NRXN1: variants seen among roughly 807,000 people sequenced by gnomAD.
NRXN1 encodes the protein neurexin-1.
NRXN1 carries 39 observed loss-of-function variants against 150.9 expected under a neutral mutation model. The observed-to-expected ratio is 0.26, with a 90% CI of 0.20 to 0.34. The LOEUF (loss-of-function observed/expected upper bound fraction) is 0.34. NRXN1 is among the 10% of genes least tolerant of loss of function. NRXN1 has a pLI of 1.00. For missense variants in NRXN1, 1,815 were observed against 1,949.9 expected (o/e 0.93, Z 1.30); for synonymous variants, 924 against 757.0 (o/e 1.22, Z -3.62).
intron 17 of NRXN1, among the ~76,000 whole-genome samples, chr2:50,420,414 C>T (rs1558699957): frequency 1.3e-5 from 2 of 150,718 alleles, no homozygotes; most frequent in Non-Finnish European, 3.0e-5. Context: ...CACACACACA[C>T]ATACACACAC....
At chr2:50,476,566 A>G (rs530717106) in intron 15 of NRXN1, among the ~76,000 whole-genome samples, 334 of 150,790 alleles carry the variant, frequency 2.2e-3, no homozygotes, top group African/African-American at 7.8e-3. Context: ...GGCTGTCAGT[A>G]TATCTGTAAG....
chr2:50,387,427 T>G (rs2081399040), intron 17 of NRXN1, among the ~76,000 whole-genome samples: 1 of 152,186 alleles, frequency 6.6e-6, no homozygotes. Flanking sequence ...CTGTTCTCAG[T>G]GCCCTCAGGC....
intron 5 of NRXN1, among the ~76,000 whole-genome samples, chr2:50,855,713 T>C (rs997547861): frequency 6.6e-6 from 1 of 151,992 alleles, no homozygotes; most frequent in African/African-American, 2.4e-5. Context: ...ATATCCAAAA[T>C]AATTTTCCTT....
chr2:50,038,381 C>T (rs1356032281), intron 21 of NRXN1, among the ~76,000 whole-genome samples: 1 of 152,166 alleles, frequency 6.6e-6, no homozygotes, highest in Non-Finnish European at 1.5e-5. Flanking sequence ...CTCTCTCTCT[C>T]ATCTGTCCTG....
rs543687083 is a variant in NRXN1 at position 50,327,233 on chromosome 2, A to G, written c.3365-90263T>C. Among the ~76,000 whole-genome samples, 224 of 152,330 alleles carry G rather than the reference A, an allele frequency of 1.5e-3. 3 individuals are homozygous for G. The highest frequency in any genetic ancestry group is 8.1e-3 in the South Asian group (39 of 4,826). On this transcript the variant is annotated intron_variant, in intron 17 of 22. Coordinates refer to ENST00000401669, the MANE Select transcript of NRXN1 (RefSeq NM_001330078.2). ...ATAAAAAATAACCAACCAATGATAC[A>G]TACAACATGGATAAATTTCAAAAAT...
chr2:50,927,451 T>G (rs13420904), intron 2 of NRXN1, among the ~76,000 whole-genome samples: 1 of 152,010 alleles, frequency 6.6e-6, no homozygotes, highest in African/African-American at 2.4e-5. Flanking sequence ...ATATTTGGTC[T>G]GTGATATTGA....
chr2:50,169,519 T>C (rs527262070), intron 18 of NRXN1, among the ~76,000 whole-genome samples: 2 of 151,894 alleles, frequency 1.3e-5, no homozygotes, highest in African/African-American at 2.4e-5. Flanking sequence ...TCGAGACCAG[T>C]CTGGCCAACA....
intron 18 of NRXN1, 145 bp downstream of exon 18, chr2:50,236,644 T>C (rs1407682137): frequency 1.3e-5 from 10 of 755,898 alleles, no homozygotes; most frequent in Non-Finnish European, 2.0e-5. Context: ...TATATGGTCT[T>C]ATTTCCTCTA....
intron 5 of NRXN1, among the ~76,000 whole-genome samples, chr2:50,663,758 A>G (rs1033521652): frequency 1.3e-5 from 2 of 152,040 alleles, no homozygotes; most frequent in Non-Finnish European, 2.9e-5. Context: ...AGAATTCACA[A>G]TCTATGTGTG....
Position 50,285,245 on chromosome 2 carries a change from T to C in NRXN1, c.3365-48275A>G, listed in dbSNP as rs141016690. On this transcript the variant is annotated intron_variant, in intron 17 of 22. Transcript: ENST00000401669. ...ATTTGAAAGATTATTGCAAGCTTTA[T>C]GAATTTTTTATTTTACAATAATTTG... Among the ~76,000 whole-genome samples the C allele has an allele frequency of 3.9e-3, 594 of 152,326 alleles. 9 individuals carry two copies. Among genetic ancestry groups the C allele is most frequent in the African/African-American group, 0.013 (552 of 41,566 alleles).
chr2:50,316,013 G>T (rs2075576764), intron 17 of NRXN1, among the ~76,000 whole-genome samples: 1 of 152,100 alleles, frequency 6.6e-6, no homozygotes, highest in Non-Finnish European at 1.5e-5. Flanking sequence ...GGCATGAGAT[G>T]AAGGAGTTGG....
At chr2:50,613,061 A>G (rs1017267248) in intron 8 of NRXN1, among the ~76,000 whole-genome samples, 1 of 152,234 alleles carries the variant, frequency 6.6e-6, no homozygotes, top group Non-Finnish European at 1.5e-5. Context: ...AATTTGTCAA[A>G]GCCTTTGACA....
chr2:49,935,129 T>C (rs779891558), intron 22 of NRXN1, among the ~76,000 whole-genome samples: 6 of 152,238 alleles, frequency 3.9e-5, no homozygotes, highest in Admixed American at 1.3e-4. Flanking sequence ...TGGTAGACTA[T>C]GTTAAGTGCT....
chr2:50,312,951 T>A (rs1452004750), intron 17 of NRXN1, among the ~76,000 whole-genome samples: 1 of 151,952 alleles, frequency 6.6e-6, no homozygotes, highest in Non-Finnish European at 1.5e-5. Flanking sequence ...TTCTTGGGAG[T>A]CACTTCCTTA....
intron 5 of NRXN1, among the ~76,000 whole-genome samples, chr2:50,847,956 G>A (rs186370164): frequency 6.6e-6 from 1 of 152,096 alleles, no homozygotes; most frequent in South Asian, 2.1e-4. Context: ...CATTCTCCTA[G>A]CCCACATATG....
chr2:50,188,989 T>C (rs367863897), intron 18 of NRXN1, among the ~76,000 whole-genome samples: 2 of 152,088 alleles, frequency 1.3e-5, no homozygotes, highest in Admixed American at 6.6e-5. Flanking sequence ...GCCAGAAATA[T>C]CATTTGACCC....
intron 5 of NRXN1, among the ~76,000 whole-genome samples, chr2:50,852,592 G>A (rs1674681307): frequency 6.6e-6 from 1 of 152,020 alleles, no homozygotes; most frequent in African/African-American, 2.4e-5. Context: ...AAGAAGGATG[G>A]TTATATTTGT....
intron 5 of NRXN1, among the ~76,000 whole-genome samples, chr2:50,650,223 G>A (rs558150207): frequency 2.0e-4 from 31 of 152,116 alleles, no homozygotes; most frequent in Admixed American, 1.3e-3. Flanking sequence ...CTGAATAGGA[G>A]GCCCATGCTT....
chr2:50,639,541 C>A (rs1233216516), intron 5 of NRXN1, among the ~76,000 whole-genome samples: 2 of 151,784 alleles, frequency 1.3e-5, no homozygotes, highest in East Asian at 3.9e-4. Flanking sequence ...ATTTTTAATG[C>A]CATTTTGGAT....
Sources: gnomAD v4.1 joint callset for allele counts (sites outside exome capture counted in the v4.1 genomes callset) on GRCh38, gnomAD v4.1.1 for gene constraint, MANE v1.5 for transcripts, NCBI Gene and HGNC (gene_info 2026-07-23, HGNC 2026-07-21) for gene names.